RFX6: variants seen among roughly 807,000 people sequenced by gnomAD.
The protein encoded by RFX6 is DNA-binding protein RFX6.
Under a neutral mutation model 110.8 loss-of-function variants are expected in RFX6, and 50 were observed. The observed-to-expected ratio is 0.45, with a 90% confidence interval of 0.36 to 0.57. The LOEUF (loss-of-function observed/expected upper bound fraction) is 0.57. RFX6 is among the 20% of genes least tolerant of loss of function. The probability of loss-of-function intolerance (pLI) is 0.00; values close to 1 mark genes in which losing one functional copy is unlikely to be tolerated. For synonymous variants in RFX6, 383 were observed against 411.2 expected (o/e 0.93, Z 0.83); for missense variants, 990 against 1,127.0 (o/e 0.88, Z 1.74).
At chr6:116,898,258 G>T (rs1774992548) in intron 6 of RFX6, among the ~76,000 whole-genome samples, 1 of 152,136 alleles carries the variant, frequency 6.6e-6, no homozygotes, top group South Asian at 2.1e-4. Flanking sequence ...TGAAATGAGT[G>T]GGAAGTAGCA....
intron 18 of RFX6, among the ~76,000 whole-genome samples, chr6:116,930,428 C>G (rs1465565320): frequency 2.6e-5 from 4 of 152,038 alleles, no homozygotes; most frequent in Non-Finnish European, 2.9e-5. Context: ...GGTGATCAGG[C>G]CATAGTTCTT....
At chr6:116,901,112 G>T (rs1484167437) in intron 6 of RFX6, among the ~76,000 whole-genome samples, 9 of 152,114 alleles carry the variant, frequency 5.9e-5, no homozygotes, top group African/African-American at 2.2e-4. Flanking sequence ...AGATGATTTT[G>T]CCCTACTGTA....
intron 7 of RFX6, among the ~76,000 whole-genome samples, chr6:116,912,223 A>G (rs970575439): frequency 1.3e-5 from 2 of 152,062 alleles, no homozygotes; most frequent in African/African-American, 4.8e-5. Flanking sequence ...AAAACTAACT[A>G]TTGGGTACTA....
At position 116,915,978 on chromosome 6, in the gene RFX6, T is replaced by C. The variant is rs772696950; in HGVS notation, c.781-30T>C. 2.7e-6 allele frequency: 4 copies of C among 1,489,532 alleles called. No homozygotes were observed. In the South Asian group the frequency reaches 3.4e-5, roughly 13 times the overall value. The allele number at this position is 1,489,532 out of a possible 1,614,324, so 92.3% of individuals were successfully genotyped here. On this transcript the variant is annotated intron_variant, in intron 7 of 18. Coordinates refer to ENST00000332958, the MANE Select transcript of RFX6 (RefSeq NM_173560.4). ...AGAAAAGGCAGTGTTAAAAGGATGC[T>C]TTGGTTAAGCTTTTTCTTCCTTGAA...
intron 6 of RFX6, among the ~76,000 whole-genome samples, chr6:116,906,276 T>G (rs1244782700): frequency 6.6e-6 from 1 of 152,198 alleles, no homozygotes; most frequent in Non-Finnish European, 1.5e-5. Context: ...TACTGTAACT[T>G]TATAGTACGT....
intron 2 of RFX6, 114 bp downstream of exon 2, chr6:116,878,066 T>TA: frequency 8.9e-7 from 1 of 1,122,476 alleles, no homozygotes; most frequent in East Asian, 2.5e-5. Context: ...TGGGAAAGTT[T>TA]AAAAAACCAA....
intron 4 of RFX6, among the ~76,000 whole-genome samples, chr6:116,886,311 G>T (rs1033618305): frequency 6.6e-6 from 1 of 152,080 alleles, no homozygotes; most frequent in African/African-American, 2.4e-5. Flanking sequence ...GATAGCTAGA[G>T]TATGTCCAGT....
intron 18 of RFX6, among the ~76,000 whole-genome samples, chr6:116,930,149 T>C (rs960140048): frequency 6.6e-6 from 1 of 152,190 alleles, no homozygotes; most frequent in African/African-American, 2.4e-5. Context: ...GTCTAAGCTT[T>C]AGTTTATCAG....
At chr6:116,884,594 G>A (rs1460681629) in intron 4 of RFX6, among the ~76,000 whole-genome samples, 1 of 152,136 alleles carries the variant, frequency 6.6e-6, no homozygotes, top group Admixed American at 6.6e-5. Context: ...ATCAGATAGT[G>A]TTTAAAGTAA....
intron 4 of RFX6, among the ~76,000 whole-genome samples, chr6:116,890,370 C>G (rs1315756576): frequency 6.6e-6 from 1 of 152,094 alleles, no homozygotes; most frequent in Non-Finnish European, 1.5e-5. Context: ...TCACTATCAC[C>G]TGCTTCAATG....
chr6:116,897,486 T>C (rs1195914622), intron 6 of RFX6, among the ~76,000 whole-genome samples: 1 of 152,152 alleles, frequency 6.6e-6, no homozygotes, highest in Non-Finnish European at 1.5e-5. Context: ...AGCTATAGTG[T>C]AGAATGAGGT....
chr6:116,915,520 G>C (rs1775442536), intron 7 of RFX6, among the ~76,000 whole-genome samples: 1 of 152,032 alleles, frequency 6.6e-6, no homozygotes, highest in African/African-American at 2.4e-5. Context: ...AAGTTGAGCT[G>C]ACTCCAGAGA....
chr6:116,928,731 A>C (rs1775809687), intron 17 of RFX6, 28 bp from the exon 18 acceptor site: 3 of 1,548,070 alleles, frequency 1.9e-6, no homozygotes, highest in African/African-American at 2.7e-5. Flanking sequence ...GTAAGTTAAC[A>C]GCAAATTCTC....
chr6:116,915,931 A>G, intron 7 of RFX6, 77 bp from the exon 8 acceptor site: 1 of 1,034,238 alleles, frequency 9.7e-7, no homozygotes, highest in Admixed American at 1.7e-5. Flanking sequence ...CTTTTAAAAA[A>G]TCTGTGTTGA....
intron 6 of RFX6, among the ~76,000 whole-genome samples, chr6:116,898,908 T>G (rs170951): frequency 1.3e-5 from 2 of 152,030 alleles, no homozygotes; most frequent in Admixed American, 6.5e-5. Flanking sequence ...CCCTAAGACA[T>G]CCACTGAATA....
rs1775769341 is a variant in RFX6, at chr6:116,927,410, T to G, written c.2269T>G (p.Tyr757Asp). Residue 757 changes from tyrosine (Y) to aspartate (D), a missense_variant, in exon 17 of 19, where the codon TAT becomes GAT. Around this residue, in one of 5 missense-constraint regions of RFX6, gnomAD observed 438 missense variants for 441.9 expected, o/e 0.99. Transcript: ENST00000332958. The stretch of plus-strand genomic sequence containing the variant: ...ATATAACTCCCGGCCACCGTCTAGC[T>G]ATGGCCCATCCCTGCAAGCCCAGGA... ...SPYNSRPPSS[Y>D]GPSLQAQDSH... The G allele has an allele frequency of 6.2e-7, 1 of 1,614,124 alleles. No individual in the cohort carries two copies. Among genetic ancestry groups the G allele is most frequent in the Non-Finnish European group, 8.5e-7 (1 of 1,180,004 alleles).
intron 9 of RFX6, among the ~76,000 whole-genome samples, chr6:116,917,505 A>C (rs1321367): frequency 0.83 from 126,142 of 152,140 alleles, 52,493 homozygotes; most frequent in East Asian, 0.92. Context: ...CATGCACACA[A>C]ATTTCCATCA....
chr6:116,931,199 T>C (rs1775876787), intron 18 of RFX6, 132 bp from the exon 19 acceptor site: 1 of 753,506 alleles, frequency 1.3e-6, no homozygotes. Flanking sequence ...TGGTAAACCA[T>C]ACAGACTCAA....
intron 11 of RFX6, among the ~76,000 whole-genome samples, chr6:116,920,046 C>A (rs1775558123): frequency 6.6e-6 from 1 of 152,126 alleles, no homozygotes; most frequent in Non-Finnish European, 1.5e-5. Flanking sequence ...GCACATCGTG[C>A]AGGTTTGTTA....
Sources: allele counts gnomAD v4.1 joint callset (sites outside exome capture counted in the v4.1 genomes callset), GRCh38; gene constraint gnomAD v4.1.1; regional missense constraint gnomAD v4.1.1; transcripts MANE v1.5; gene names NCBI Gene and HGNC (gene_info 2026-07-23, HGNC 2026-07-21).